The following PCSK6 variants were observed in gnomAD, a reference collection of about 807,000 sequenced individuals.
PCSK6 encodes proprotein convertase subtilisin/kexin type 6.
PCSK6 carries 85 observed loss-of-function variants against 123.3 expected under a neutral mutation model. The observed-to-expected ratio is 0.69, with a 90% CI of 0.58 to 0.83. The LOEUF (loss-of-function observed/expected upper bound fraction) is 0.83. Ranked by LOEUF, PCSK6 falls within the 40% of genes least tolerant of loss-of-function variation. The pLI, the probability that PCSK6 is intolerant of heterozygous loss-of-function variation, is 0.00. For missense variants in PCSK6, 1,191 were observed against 1,282.3 expected (o/e 0.93, Z 1.09); for synonymous variants, 508 against 516.0 (o/e 0.98, Z 0.21).
chr15:101,446,174 C>G (rs1289476911), intron 1 of PCSK6, among the ~76,000 whole-genome samples: 1 of 152,264 alleles, frequency 6.6e-6, no homozygotes, highest in Non-Finnish European at 1.5e-5. Flanking sequence ...AGGGACGCTC[C>G]CACTGCAGGG....
chr15:101,436,481 T>C (rs1435863632), intron 2 of PCSK6, among the ~76,000 whole-genome samples: 1 of 152,184 alleles, frequency 6.6e-6, no homozygotes, highest in Non-Finnish European at 1.5e-5. Context: ...GTTACTTTAT[T>C]CTGTAACTGT....
intron 15 of PCSK6, among the ~76,000 whole-genome samples, chr15:101,328,215 C>T (rs1037678401): frequency 2.0e-5 from 3 of 152,244 alleles, no homozygotes; most frequent in Non-Finnish European, 4.4e-5. Context: ...GACTTCTCTC[C>T]TGCCTTTTCC....
chr15:101,450,799 C>T (rs562611793), intron 1 of PCSK6, among the ~76,000 whole-genome samples: 9 of 152,128 alleles, frequency 5.9e-5, no homozygotes, highest in Admixed American at 1.3e-4. Flanking sequence ...GCTGTGAGGT[C>T]GGGAGGAGGC....
chr15:101,313,927 G>A (rs1292372967), intron 19 of PCSK6: 1 of 159,202 alleles, frequency 6.3e-6, no homozygotes, highest in African/African-American at 2.4e-5. Context: ...ACATTAGGTT[G>A]AATAGGATAT....
intron 9 of PCSK6, 60 bp from the exon 10 acceptor site, chr15:101,384,485 C>T: frequency 6.9e-7 from 1 of 1,448,138 alleles, no homozygotes; most frequent in Non-Finnish European, 9.5e-7. Flanking sequence ...CCACACAGGC[C>T]ACTCAGAGGC....
chr15:101,379,715 T>C (rs2041857786), intron 11 of PCSK6, among the ~76,000 whole-genome samples: 2 of 152,020 alleles, frequency 1.3e-5, no homozygotes, highest in Non-Finnish European at 2.9e-5. Flanking sequence ...GACGGGAAAA[T>C]GGCTGTGTGG....
chr15:101,330,415 C>T lies in PCSK6; in HGVS notation c.2077+1236G>A, dbSNP rs760714835. Among the ~76,000 whole-genome samples the T allele has an allele frequency of 3.3e-5, 5 of 152,228 alleles. No individual in the cohort carries two copies. In the East Asian group the frequency reaches 9.6e-4, roughly 29 times the overall value. ...GATGCACCATGACCATGGCCGGCTC[C>T]GCACACCCCGTCTCATATCCACCTG... On this transcript the variant is annotated intron_variant, in intron 15 of 21. Coordinates refer to ENST00000611716, the MANE Select transcript of PCSK6 (RefSeq NM_002570.5).
chr15:101,372,608 G>A (rs1290056751), intron 11 of PCSK6, among the ~76,000 whole-genome samples: 1 of 152,132 alleles, frequency 6.6e-6, no homozygotes, highest in Non-Finnish European at 1.5e-5. Context: ...TGTCTCTCCA[G>A]GTGAGTGTCC....
rs114665524 is a variant in PCSK6, at chr15:101,465,933, G to A, written c.298-22273C>T. Among the ~76,000 whole-genome samples, 824 of 152,130 alleles carry A rather than the reference G, an allele frequency of 5.4e-3. 7 individuals carry two copies. Among genetic ancestry groups the A allele is most frequent in the African/African-American group, 0.018 (738 of 41,492 alleles). On this transcript the variant is annotated intron_variant, in intron 1 of 21. Transcript: ENST00000611716. ...TGGGGTTGGGGAGGGGCAGGGGTGC[G>A]GAGAACAAATGTAACAAACAGAAAA...
chr15:101,371,332 T>A (rs2041580371), intron 11 of PCSK6, among the ~76,000 whole-genome samples: 1 of 152,196 alleles, frequency 6.6e-6, no homozygotes, highest in African/African-American at 2.4e-5. Context: ...CGTTTCTCAG[T>A]TGCCCTAGTA....
chr15:101,306,781 G>A (rs899146346), intron 21 of PCSK6, among the ~76,000 whole-genome samples: 4 of 152,224 alleles, frequency 2.6e-5, no homozygotes, highest in Non-Finnish European at 4.4e-5. Flanking sequence ...GATTGCTGCT[G>A]CTGAGCGTGT....
intron 8 of PCSK6, among the ~76,000 whole-genome samples, chr15:101,391,868 T>G (rs1337917013): frequency 6.6e-6 from 1 of 152,160 alleles, no homozygotes; most frequent in Non-Finnish European, 1.5e-5. Flanking sequence ...CTTTTACCGT[T>G]CTCCAAACTA....
At chr15:101,370,818 G>A (rs540100821) in intron 11 of PCSK6, among the ~76,000 whole-genome samples, 20 of 152,382 alleles carry the variant, frequency 1.3e-4, no homozygotes, top group African/African-American at 4.3e-4. Flanking sequence ...CCGAGGCACC[G>A]CCTGCTGCCA....
chr15:101,400,661 C>T (rs2042560997), intron 6 of PCSK6, among the ~76,000 whole-genome samples: 1 of 152,276 alleles, frequency 6.6e-6, no homozygotes, highest in South Asian at 2.1e-4. Context: ...TCCATTTGTA[C>T]GATAATCATG....
intron 6 of PCSK6, among the ~76,000 whole-genome samples, chr15:101,420,130 G>C (rs571030228): frequency 6.7e-6 from 1 of 148,284 alleles, no homozygotes; most frequent in Admixed American, 6.8e-5. Flanking sequence ...GGTGGAGGTT[G>C]CAGTGAGCTG....
At chr15:101,379,528 TAC>T (rs1022009476) in intron 11 of PCSK6, among the ~76,000 whole-genome samples, 7 of 152,178 alleles carry the variant, frequency 4.6e-5, no homozygotes, top group Non-Finnish European at 8.8e-5. Flanking sequence ...TAAAGAGGCA[TAC>T]ACACACTCTG....
At chr15:101,486,083 C>T (rs2058015470) in intron 1 of PCSK6, among the ~76,000 whole-genome samples, 1 of 151,154 alleles carries the variant, frequency 6.6e-6, no homozygotes, top group Admixed American at 6.6e-5. Flanking sequence ...CCTGCCTCAA[C>T]CTCCCAAGTA....
intron 13 of PCSK6, chr15:101,337,011 C>CTT (rs1217392982): frequency 2.8e-5 from 4 of 144,982 alleles, no homozygotes; most frequent in Non-Finnish European, 3.0e-5. Context: ...CTCTCTCTCT[C>CTT]TTTTTTTTTT....
chr15:101,393,221 C>T lies in PCSK6; in HGVS notation c.1200G>A (p.Glu400=), dbSNP rs1271901874. ...TGCCAAGAGAACTTACGATTTTTCG[C>T]TCATAAAAGGCCCCACTGCTGTAGG... ...ATTYSSGAFY[E]RKIVTTDLRQ... Residue 400 remains glutamate (E), a synonymous_variant, in exon 8 of 22, where the codon GAG becomes GAA. Coordinates refer to ENST00000611716, the MANE Select transcript of PCSK6 (RefSeq NM_002570.5). 1 of 1,612,860 alleles carries T rather than the reference C, an allele frequency of 6.2e-7. No homozygotes were observed. The highest frequency in any genetic ancestry group is 1.3e-5 in the African/African-American group (1 of 74,862).
Sources: gnomAD v4.1 joint callset for allele counts (sites outside exome capture counted in the v4.1 genomes callset) on GRCh38, gnomAD v4.1.1 for gene constraint, MANE v1.5 for transcripts, NCBI Gene and HGNC (gene_info 2026-07-23, HGNC 2026-07-21) for gene names.